SERPINF1: variants seen among roughly 807,000 people sequenced by gnomAD.
SERPINF1 encodes the protein serpin family F member 1, also known as pigment epithelium-derived factor.
A neutral mutation model predicts 37.3 loss-of-function variants in SERPINF1; 29 were observed. That is an observed-to-expected ratio of 0.78 (90% CI 0.58 to 1.06). The LOEUF is 1.06. Ranked by LOEUF, SERPINF1 falls within the 50% of genes least tolerant of loss-of-function variation. The pLI is 0.00. For missense variants in SERPINF1, 553 were observed against 532.2 expected, an observed-to-expected ratio of 1.04 and a Z score of -0.38; for synonymous variants, 281 against 227.9, an observed-to-expected ratio of 1.23 and a Z score of -2.10.
chr17:1,773,816 T>A (rs1907880296), intron 5 of SERPINF1, among the ~76,000 whole-genome samples: 1 of 152,122 alleles, frequency 6.6e-6, no homozygotes, highest in Middle Eastern at 3.2e-3. Flanking sequence ...CCTGTTCAGA[T>A]AAGGCCTTGT....
chr17:1,767,191 A>G (rs578181763), intron 2 of SERPINF1, among the ~76,000 whole-genome samples, 197 bp downstream of exon 2: 19 of 152,334 alleles, frequency 1.2e-4, no homozygotes, highest in African/African-American at 4.6e-4. Flanking sequence ...GAGTAGGGAC[A>G]TGAATAAGAT....
intron 5 of SERPINF1, among the ~76,000 whole-genome samples, chr17:1,772,621 C>G (rs912581877): frequency 6.6e-6 from 1 of 150,628 alleles, no homozygotes; most frequent in African/African-American, 2.4e-5. Flanking sequence ...TGCAGTGGCG[C>G]GATCTCGGCT....
At chr17:1,767,453 T>TCATTACCTTGTCTTCCTAGTGGGGG (rs1458491451) in intron 2 of SERPINF1, among the ~76,000 whole-genome samples, 1 of 152,226 alleles carries the variant, frequency 6.6e-6, no homozygotes, top group Non-Finnish European at 1.5e-5. Context: ...GGATCTTTTC[T>TCATTACCTTGTCTTCCTAGTGGGGG]CATTACCTTG....
At chr17:1,763,559 G>T (rs982611793) in intron 1 of SERPINF1, among the ~76,000 whole-genome samples, 1 of 152,226 alleles carries the variant, frequency 6.6e-6, no homozygotes, top group African/African-American at 2.4e-5. Context: ...ACAGGGTATT[G>T]CGTGTGTGCT....
rs1406128052 is a variant in SERPINF1, at chr17:1,770,037, G to T, written c.270G>T (p.Ser90=). 6.2e-7 allele frequency: 1 copy of T among 1,614,040 alleles called. No homozygotes were observed. Among genetic ancestry groups the T allele is most frequent in the African/African-American group, 1.3e-5 (1 of 74,934 alleles). The change falls in exon 3 of 8, where the codon TCG becomes TCT. Residue 90 remains serine, a synonymous_variant. Coordinates refer to ENST00000254722, the MANE Select transcript of SERPINF1 (RefSeq NM_002615.7). ...CTCTCAGTGTGGCCACGGCCCTCTCGGCCCTCTCGCTGGGTGAGTGCTCAG... is the reference window on the plus strand; with the variant it reads ...CTCTCAGTGTGGCCACGGCCCTCTCTGCCCTCTCGCTGGGTGAGTGCTCAG... ...LSPLSVATAL[S]ALSLGAEQRT...
chr17:1,770,676 T>A lies in SERPINF1; in HGVS notation c.284-353T>A. ...GGTTTCACCATGTTGCCTAGGCTGGTCTCAAACTCCCGGGCTCAAGCGATC... is the reference window on the plus strand; with the variant it reads ...GGTTTCACCATGTTGCCTAGGCTGGACTCAAACTCCCGGGCTCAAGCGATC... On this transcript the variant is annotated intron_variant, in intron 3 of 7. Transcript: ENST00000254722. The A allele has an allele frequency of 9.0e-6, 3 of 332,368 alleles. No homozygotes were observed. The East Asian group carries it at 2.4e-4, about 26-fold the overall frequency. 20.6% of individuals were successfully genotyped at this position (332,368 alleles called of 1,614,324 possible). A position where few individuals can be genotyped will look rare whatever the true frequency, so the allele number is the denominator to read the frequency against.
chr17:1,776,358 T>C (rs958744297), intron 6 of SERPINF1, 174 bp from the exon 7 acceptor site: 2 of 673,642 alleles, frequency 3.0e-6, no homozygotes, highest in African/African-American at 3.6e-5. Context: ...CCTCAGGAGA[T>C]GGCTCACTGC....
Position 1,776,396 on chromosome 17 carries a change from T to A in SERPINF1, c.787-136T>A, listed in dbSNP as rs7342816. ...GAAAGCTATAACCTGGAAGGGGAATTGTTAAATAGATGAGGGGCTGGATGA... is the reference window on the plus strand; with the variant it reads ...GAAAGCTATAACCTGGAAGGGGAATAGTTAAATAGATGAGGGGCTGGATGA... On this transcript the variant is annotated intron_variant, in intron 6 of 7. Transcript: ENST00000254722. 1.2e-4 allele frequency: 96 copies of A among 796,650 alleles called. 1 individual carries two copies. The African/African-American group carries it at 1.5e-3, about 13-fold the overall frequency. 49.3% of individuals were successfully genotyped at this position (796,650 alleles called of 1,614,324 possible). A position where few individuals can be genotyped will look rare whatever the true frequency, so the allele number is the denominator to read the frequency against.
chr17:1,771,993 G>A lies in SERPINF1; in HGVS notation c.561G>A (p.Gln187=), dbSNP rs747440395. 3 of 1,613,922 alleles carry A rather than the reference G, an allele frequency of 1.9e-6. No homozygotes were observed. The highest frequency in any genetic ancestry group is 2.2e-5 in the South Asian group (2 of 91,076). The part of the protein sequence containing the change: ...LQEINNWVQA[Q]MKGKLARSTK... ...AGATCAACAACTGGGTGCAGGCGCA[G>A]ATGAAAGGGAAGCTCGCCAGGTCCA... is the stretch of plus-strand genomic sequence containing the variant. Residue 187 remains glutamine (Q), a synonymous_variant, in exon 5 of 8, where the codon CAG becomes CAA. Coordinates refer to ENST00000254722, the MANE Select transcript of SERPINF1 (RefSeq NM_002615.7).
chr17:1,771,028 G>T lies in SERPINF1; in HGVS notation c.284-1G>T. The stretch of plus-strand genomic sequence containing the variant: ...AACGTCCACATCCTTGTCTCTGGCA[G>T]GAGCGGAGCAGCGAACAGAATCCAT... On this transcript the variant is annotated splice_acceptor_variant, in intron 3 of 7. Transcript: ENST00000254722. LOFTEE classifies it high-confidence loss of function. 6.2e-7 allele frequency: 1 copy of T among 1,614,050 alleles called. No homozygotes were observed.
At chr17:1,773,891 G>A (rs1476731985) in intron 5 of SERPINF1, among the ~76,000 whole-genome samples, 2 of 152,148 alleles carry the variant, frequency 1.3e-5, no homozygotes, top group Admixed American at 1.3e-4. Flanking sequence ...GTAACCATCT[G>A]AGGCACCAGC....
Position 1,776,658 on chromosome 17 carries a change from C to G in SERPINF1, c.913C>G (p.Leu305Val), listed in dbSNP as rs146939364. The change falls in exon 7 of 8, where the codon CTG becomes GTG. Residue 305 changes from leucine (L) to valine (V), a missense_variant. Coordinates refer to ENST00000254722, the MANE Select transcript of SERPINF1 (RefSeq NM_002615.7). Reference protein sequence around the residue: ...SEFIHDIDRELKTVQAVLTVP... With the variant: ...SEFIHDIDREVKTVQAVLTVP... ...GTTCATTCATGACATAGACCGAGAA[C>G]TGAAGACCGTGCAGGCGGTCCTCAC... The G allele has an allele frequency of 1.6e-4, 261 of 1,613,992 alleles. 2 individuals are homozygous for G. The East Asian group carries it at 2.4e-3, about 15-fold the overall frequency.
chr17:1,773,413 T>G (rs1395232628), intron 5 of SERPINF1, among the ~76,000 whole-genome samples: 1 of 152,116 alleles, frequency 6.6e-6, no homozygotes, highest in East Asian at 1.9e-4. Context: ...ACCCAGCTAA[T>G]TTTTGTATTT....
chr17:1,762,981 GGTTGGA>G (rs201988232), intron 1 of SERPINF1: 5 of 152,358 alleles, frequency 3.3e-5, no homozygotes, highest in African/African-American at 7.2e-5. Context: ...GGTTCCGTGG[GGTTGGA>G]GGGCAGGGAG....
chr17:1,772,095 T>C lies in SERPINF1; in HGVS notation c.643+20T>C, dbSNP rs2151209235. The C allele has an allele frequency of 6.2e-7, 1 of 1,606,964 alleles. No individual in the cohort carries two copies. Among genetic ancestry groups the C allele is most frequent in the East Asian group, 2.2e-5 (1 of 44,822 alleles). ...TCAAGGGTGAGCGCGTCTCCAATTC[T>C]TTTTCATTTATTTTACTGTATTTTA... On this transcript the variant is annotated intron_variant, in intron 5 of 7. Transcript: ENST00000254722.
At chr17:1,767,137 A>G (rs984089633) in intron 2 of SERPINF1, 143 bp downstream of exon 2, 30 of 660,036 alleles carry the variant, frequency 4.5e-5, no homozygotes, top group Non-Finnish European at 6.4e-5. Flanking sequence ...TTTCTCCAGC[A>G]GCAAAACAGA....
intron 5 of SERPINF1, among the ~76,000 whole-genome samples, chr17:1,772,386 G>A (rs1380207211): frequency 6.6e-6 from 1 of 152,000 alleles, no homozygotes; most frequent in East Asian, 1.9e-4. Flanking sequence ...AAAGTGCTAG[G>A]ATTACAAGCT....
Position 1,771,872 on chromosome 17 carries a change from A to C in SERPINF1, c.440A>C (p.Lys147Thr), listed in dbSNP as rs1194560768. 3.1e-6 allele frequency: 5 copies of C among 1,611,808 alleles called. No individual in the cohort carries two copies. The South Asian group carries it at 5.5e-5, about 18-fold the overall frequency. Residue 147 changes from lysine to threonine, a missense_variant and splice_region_variant, in exon 5 of 8, where the codon AAG becomes ACG. Lys to Thr is a moderately conservative substitution (Grantham distance 78). Coordinates refer to ENST00000254722, the MANE Select transcript of SERPINF1 (RefSeq NM_002615.7). ...TAACCTCTGCTCCGCCTCTTCTCAGAGCTGCGCATAAAATCCAGCTTTGTG... is the reference window on the plus strand; with the variant it reads ...TAACCTCTGCTCCGCCTCTTCTCAGCGCTGCGCATAAAATCCAGCTTTGTG... ...KSASRIVFEK[K>T]LRIKSSFVAP...
At chr17:1,765,701 C>A (rs753348100) in intron 1 of SERPINF1, among the ~76,000 whole-genome samples, 3 of 151,964 alleles carry the variant, frequency 2.0e-5, no homozygotes, top group African/African-American at 4.8e-5. Context: ...TACTAAGACA[C>A]AGCACTGAGA....
Sources: allele counts gnomAD v4.1 joint callset (sites outside exome capture counted in the v4.1 genomes callset), GRCh38; gene constraint gnomAD v4.1.1; transcripts MANE v1.5; gene names NCBI Gene and HGNC (gene_info 2026-07-23, HGNC 2026-07-21).